Variants in CDH12 observed in about 807,000 individuals in gnomAD.
The protein encoded by CDH12 is cadherin 12, also known as cadherin-12.
In CDH12, 41 loss-of-function variants were observed where a neutral mutation model predicts 74.1. The ratio of observed to expected loss-of-function variants is 0.55; its 90% CI spans 0.43 to 0.72. The LOEUF (loss-of-function observed/expected upper bound fraction) is 0.72, where lower values mean the gene tolerates loss of function less well. Ranked by LOEUF, CDH12 falls within the 30% of genes least tolerant of loss-of-function variation. The pLI is 0.00. For synonymous variants in CDH12, 399 were observed against 355.0 expected (o/e 1.12, Z -1.39); for missense variants, 945 against 977.2 (o/e 0.97, Z 0.44).
At chr5:22,582,386 T>A (rs1740153109) in intron 1 of CDH12, among the ~76,000 whole-genome samples, 1 of 152,240 alleles carries the variant, frequency 6.6e-6, no homozygotes, top group Admixed American at 6.5e-5. Flanking sequence ...TCCCTTTGTA[T>A]GTTAATGGTC....
chr5:22,058,391 T>C (rs1337972210), intron 5 of CDH12, among the ~76,000 whole-genome samples: 2 of 152,140 alleles, frequency 1.3e-5, no homozygotes, highest in African/African-American at 4.8e-5. Flanking sequence ...CACTGGTTCT[T>C]CAGGCATGGC....
chr5:22,700,647 C>A (rs1459925030), intron 1 of CDH12, among the ~76,000 whole-genome samples: 2 of 152,122 alleles, frequency 1.3e-5, no homozygotes, highest in African/African-American at 4.8e-5. Flanking sequence ...GGAAGAATTG[C>A]TACACTGGTT....
intron 6 of CDH12, among the ~76,000 whole-genome samples, chr5:21,971,376 C>A (rs547240595): frequency 1.3e-4 from 20 of 151,932 alleles, no homozygotes; most frequent in Non-Finnish European, 2.9e-5. Flanking sequence ...AATAATACTG[C>A]ATTGGGGTTA....
intron 3 of CDH12, among the ~76,000 whole-genome samples, chr5:22,381,469 C>G (rs115935739): frequency 6.6e-6 from 1 of 151,850 alleles, no homozygotes; most frequent in South Asian, 2.1e-4. Context: ...TTTTCCAATA[C>G]GAACATTTTT....
chr5:22,846,734 C>A (rs941619603), intron 1 of CDH12, among the ~76,000 whole-genome samples: 7 of 152,092 alleles, frequency 4.6e-5, no homozygotes, highest in Admixed American at 3.9e-4. Context: ...ATAAGCATGA[C>A]CTTCACTTTT....
intron 1 of CDH12, among the ~76,000 whole-genome samples, chr5:22,708,095 AAT>A (rs1337797637): frequency 6.6e-6 from 1 of 152,172 alleles, no homozygotes; most frequent in African/African-American, 2.4e-5. Context: ...TAAACATATT[AAT>A]ATCTTAGAAA....
chr5:22,705,130 TACACACACACACAC>T (rs1554060406), intron 1 of CDH12, among the ~76,000 whole-genome samples: 1 of 125,546 alleles, frequency 8.0e-6, no homozygotes, highest in Admixed American at 8.3e-5. Context: ...TATATATATA[TACACACACACACAC>T]ACACACACAC....
At chr5:22,587,240 G>C (rs1740450053) in intron 1 of CDH12, among the ~76,000 whole-genome samples, 1 of 151,972 alleles carries the variant, frequency 6.6e-6, no homozygotes, top group Admixed American at 6.6e-5. Flanking sequence ...GAGTATGATG[G>C]GGTATTCACT....
chr5:22,801,918 G>A (rs1361943260), intron 1 of CDH12, among the ~76,000 whole-genome samples: 4 of 150,800 alleles, frequency 2.7e-5, no homozygotes, highest in South Asian at 4.2e-4. Flanking sequence ...CCTCCTTTTC[G>A]TTTTCTTGAC....
chr5:22,717,327 G>A (rs1352638313), intron 1 of CDH12, among the ~76,000 whole-genome samples: 1 of 151,964 alleles, frequency 6.6e-6, no homozygotes, highest in Non-Finnish European at 1.5e-5. Context: ...TGTTACAGTT[G>A]CCTGCAGTAT....
chr5:22,683,889 T>C (rs769235436), intron 1 of CDH12, among the ~76,000 whole-genome samples: 1 of 152,202 alleles, frequency 6.6e-6, no homozygotes, highest in Non-Finnish European at 1.5e-5. Context: ...ACCTTGAGAT[T>C]TCCTTGCCCA....
rs567702006 is a variant in CDH12 at position 22,217,956 on chromosome 5, T to C, written c.-332-5313A>G. On this transcript the variant is annotated intron_variant, in intron 3 of 14. Coordinates refer to ENST00000382254, the MANE Select transcript of CDH12 (RefSeq NM_004061.5). ...TTCCTGTTCACTAAAAAATTTTAGA[T>C]GATGAAAATTCTGACTTAGATTTTC... Among the ~76,000 whole-genome samples, 4 of 151,802 alleles carry C rather than the reference T, an allele frequency of 2.6e-5. No homozygotes were observed. In the East Asian group the frequency reaches 7.7e-4, roughly 29 times the overall value.
chr5:22,325,740 C>A (rs1739062973), intron 3 of CDH12, among the ~76,000 whole-genome samples: 1 of 152,046 alleles, frequency 6.6e-6, no homozygotes, highest in Non-Finnish European at 1.5e-5. Flanking sequence ...CAAAAAAAAT[C>A]TACTAAAAAT....
At position 21,777,640 on chromosome 5, in the gene CDH12, G is replaced by A. The variant is rs149393469; in HGVS notation, c.1393+5718C>T. The stretch of plus-strand genomic sequence containing the variant: ...CGAGTAGCTGGGATTATAGGCGCCC[G>A]CCACAATATTCAGCTAATTTTTGTG... On this transcript the variant is annotated intron_variant, in intron 11 of 14. Transcript: ENST00000382254. Among the ~76,000 whole-genome samples, 705 of 151,694 alleles carry A rather than the reference G, an allele frequency of 4.6e-3. 3 individuals carry two copies. Among genetic ancestry groups the A allele is most frequent in the Non-Finnish European group, 8.3e-3 (562 of 67,926 alleles).
At chr5:22,569,452 GC>G (rs1424721028) in intron 1 of CDH12, among the ~76,000 whole-genome samples, 1 of 152,154 alleles carries the variant, frequency 6.6e-6, no homozygotes, top group Admixed American at 6.5e-5. Flanking sequence ...TTCCTGTACA[GC>G]CTGCAGAACC....
At chr5:22,241,545 T>C (rs1580438613) in intron 3 of CDH12, among the ~76,000 whole-genome samples, 2 of 151,944 alleles carry the variant, frequency 1.3e-5, no homozygotes, top group East Asian at 3.9e-4. Context: ...AAAGAAAAAA[T>C]AGTGTTTTTG....
intron 1 of CDH12, among the ~76,000 whole-genome samples, chr5:22,809,886 A>G (rs1277023595): frequency 6.6e-6 from 1 of 152,116 alleles, no homozygotes; most frequent in East Asian, 1.9e-4. Flanking sequence ...TGTTATATGA[A>G]AAGTTTACCC....
intron 5 of CDH12, among the ~76,000 whole-genome samples, chr5:21,984,142 A>G (rs1757420977): frequency 6.6e-6 from 1 of 152,114 alleles, no homozygotes; most frequent in East Asian, 1.9e-4. Flanking sequence ...TGAAGTTTTG[A>G]GTTTTTGAGT....
chr5:21,771,531 G>A (rs562435925), intron 11 of CDH12, among the ~76,000 whole-genome samples: 1 of 152,268 alleles, frequency 6.6e-6, no homozygotes, highest in African/African-American at 2.4e-5. Context: ...GCAATTGGTT[G>A]AGAGTGTTAA....
Sources: allele counts gnomAD v4.1 joint callset (sites outside exome capture counted in the v4.1 genomes callset), GRCh38; gene constraint gnomAD v4.1.1; transcripts MANE v1.5; gene names NCBI Gene and HGNC (gene_info 2026-07-23, HGNC 2026-07-21).